MAX: variants seen among roughly 807,000 people sequenced by gnomAD.
MAX encodes the protein protein max.
MAX carries 3 observed loss-of-function variants against 22.3 expected under a neutral mutation model. That is an observed-to-expected ratio of 0.13 (90% CI 0.06 to 0.35). The LOEUF (loss-of-function observed/expected upper bound fraction) is 0.35, where lower values mean the gene tolerates loss of function less well. Ranked by LOEUF, MAX falls within the 10% of genes least tolerant of loss-of-function variation. The probability of loss-of-function intolerance (pLI) is 1.00; values close to 1 mark genes in which losing one functional copy is unlikely to be tolerated. For synonymous variants in MAX, 72 were observed against 77.7 expected, an observed-to-expected ratio of 0.93 and a Z score of 0.39; for missense variants, 119 against 209.4, an observed-to-expected ratio of 0.57 and a Z score of 2.66.
At chr14:65,059,524 G>A (rs1010071286) in intron 3 of MAX, among the ~76,000 whole-genome samples, 1 of 151,938 alleles carries the variant, frequency 6.6e-6, no homozygotes, top group African/African-American at 2.4e-5. Flanking sequence ...GTCAATTTTG[G>A]CAGTTTTCCT....
chr14:65,069,489 C>T lies in MAX; in HGVS notation c.171+24219G>A, dbSNP rs2062964807. 6.6e-6 allele frequency among the ~76,000 whole-genome samples: 1 copy of T among 152,224 alleles called. No homozygotes were observed. Among genetic ancestry groups the T allele is most frequent in the African/African-American group, 2.4e-5 (1 of 41,454 alleles). ...TCTCTAAGCTTCTTCAAGGCAAGGC[C>T]CAGCCTTTATAAGCTGCCTAGATTG... On this transcript the variant is annotated intron_variant, in intron 3 of 3. Coordinates refer to the MAX transcript ENST00000341653. The surrounding 1 kb of genome is among the most constrained non-coding windows in gnomAD (Gnocchi z 4.6).
At chr14:65,068,889 C>A (rs2139716972) in intron 3 of MAX, among the ~76,000 whole-genome samples, 1 of 152,176 alleles carries the variant, frequency 6.6e-6, no homozygotes, top group African/African-American at 2.4e-5. Flanking sequence ...CCTTCTGTAC[C>A]CATGATGGCC....
intron 3 of MAX, chr14:65,090,312 C>G (rs1010252356): frequency 6.6e-6 from 1 of 152,104 alleles, no homozygotes; most frequent in African/African-American, 2.4e-5. Flanking sequence ...AACTGGCAAT[C>G]CTGAGTTCTA....
intron 3 of MAX, chr14:65,040,880 C>T: frequency 1.2e-6 from 2 of 1,614,004 alleles, no homozygotes; most frequent in Non-Finnish European, 1.7e-6. Context: ...CGCTGGTAAT[C>T]CTCAAGAGGG....
At chr14:65,059,054 A>G (rs1337428293) in intron 3 of MAX, among the ~76,000 whole-genome samples, 1 of 151,874 alleles carries the variant, frequency 6.6e-6, no homozygotes, top group Non-Finnish European at 1.5e-5. Context: ...ACATGATCTC[A>G]CTCTGTCACT....
chr14:65,094,122 C>A (rs1049950703), intron 2 of MAX: 5 of 386,320 alleles, frequency 1.3e-5, no homozygotes, highest in Admixed American at 3.7e-5. Context: ...TGGTCCCCCC[C>A]AACTTGCTTA....
intron 2 of MAX, among the ~76,000 whole-genome samples, chr14:65,094,615 G>A (rs927443921): frequency 6.6e-6 from 1 of 152,214 alleles, no homozygotes; most frequent in Non-Finnish European, 1.5e-5. Context: ...AAATATCCAA[G>A]TCAAAGCCTT....
chr14:65,027,350 A>G lies in MAX; in HGVS notation c.172-21066T>C. ...GAGGAGAGGTTCCCCTCAACTTTTG[A>G]GGGAGTGGGGGATCATTGGAAAGGC... On this transcript the variant is annotated intron_variant, in intron 3 of 3. Coordinates refer to the MAX transcript ENST00000341653. This position sits in a 1 kb window ranked among gnomAD's most constrained non-coding sequence, Gnocchi z 5.7. 1.3e-6 allele frequency: 2 copies of G among 1,540,598 alleles called. No individual in the cohort carries two copies. The highest frequency in any genetic ancestry group is 3.8e-5 in the Admixed American group (2 of 52,428).
chr14:65,057,010 C>T (rs1027355790), intron 3 of MAX, among the ~76,000 whole-genome samples: 4 of 152,200 alleles, frequency 2.6e-5, no homozygotes, highest in Non-Finnish European at 5.9e-5. Context: ...GGCTTTATAA[C>T]AGCCTACCCT....
At chr14:65,036,684 C>T (rs181694216) in intron 3 of MAX, among the ~76,000 whole-genome samples, 2 of 150,604 alleles carry the variant, frequency 1.3e-5, no homozygotes, top group East Asian at 1.9e-4. Flanking sequence ...CCTTCTTTAG[C>T]GGCTTGGAAT....
intron 3 of MAX, among the ~76,000 whole-genome samples, chr14:65,067,365 A>C (rs938634161): frequency 2.0e-5 from 3 of 152,106 alleles, no homozygotes; most frequent in Non-Finnish European, 4.4e-5. Context: ...TACATTACTA[A>C]AGAAAGTCCA....
chr14:65,060,253 A>AT (rs1838308824), intron 3 of MAX, among the ~76,000 whole-genome samples: 1 of 152,090 alleles, frequency 6.6e-6, no homozygotes, highest in Non-Finnish European at 1.5e-5. Context: ...TATGGGTACA[A>AT]TTTTTGCTAT....
chr14:65,064,056 G>A (rs1405107231), intron 3 of MAX, among the ~76,000 whole-genome samples: 2 of 152,306 alleles, frequency 1.3e-5, no homozygotes, highest in South Asian at 4.1e-4. Context: ...CCTACAGGGA[G>A]CGGAGCATAA....
At chr14:65,087,236 G>C (rs531874291) in intron 3 of MAX, among the ~76,000 whole-genome samples, 1 of 152,326 alleles carries the variant, frequency 6.6e-6, no homozygotes, top group East Asian at 1.9e-4. Flanking sequence ...GTGCAGACAG[G>C]AAATGTGGGG....
rs1035307881 is a variant in MAX, at chr14:65,075,410, G to A, written c.*1066C>T. ...CACAATGGAGACAGGTTCCAGGACAGTAGGAAAGGAAGTGGGATGAGGGCT... is the reference window on the plus strand; with the variant it reads ...CACAATGGAGACAGGTTCCAGGACAATAGGAAAGGAAGTGGGATGAGGGCT... On this transcript the variant is annotated 3_prime_UTR_variant, in exon 5 of 5. Coordinates refer to ENST00000358664, the MANE Select transcript of MAX (RefSeq NM_002382.5). This position sits in a 1 kb window ranked among gnomAD's most constrained non-coding sequence, Gnocchi z 4.1. The A allele has an allele frequency of 6.6e-6, 7 of 1,063,466 alleles. No individual in the cohort carries two copies. Among genetic ancestry groups the A allele is most frequent in the Non-Finnish European group, 8.0e-6 (7 of 877,916 alleles). The allele number at this position is 1,063,466 out of a possible 1,614,324, so 65.9% of individuals were successfully genotyped here.
At chr14:65,053,253 G>A in intron 3 of MAX, 3 of 1,423,182 alleles carry the variant, frequency 2.1e-6, no homozygotes, top group Non-Finnish European at 1.9e-6. Context: ...CCTGCCCTTA[G>A]CATGAGCCAC....
intron 3 of MAX, among the ~76,000 whole-genome samples, chr14:65,035,284 G>T (rs11850984): frequency 1.3e-5 from 2 of 152,030 alleles, no homozygotes; most frequent in East Asian, 1.9e-4. Flanking sequence ...GGGGAAGGGA[G>T]GGACTAACTG....
At position 65,069,435 on chromosome 14, in the gene MAX, C is replaced by T. The variant is rs139959450; in HGVS notation, c.171+24273G>A. 1.1e-4 allele frequency among the ~76,000 whole-genome samples: 17 copies of T among 152,342 alleles called. No individual in the cohort carries two copies. The highest frequency in any genetic ancestry group is 1.8e-4 in the Non-Finnish European group (12 of 68,038). On this transcript the variant is annotated intron_variant, in intron 3 of 3. Transcript: ENST00000341653. This position sits in a 1 kb window ranked among gnomAD's most constrained non-coding sequence, Gnocchi z 4.6. ...ACTCCTCTGGCATTCAGAGCCCAGA[C>T]GTGCATTTGTGCTAAATGCCTAACC...
intron 3 of MAX, among the ~76,000 whole-genome samples, chr14:65,020,543 G>A (rs368393538): frequency 2.4e-4 from 36 of 148,748 alleles, no homozygotes; most frequent in African/African-American, 8.7e-4. Flanking sequence ...CTCCTGCCTC[G>A]GCCTCCCGAG....
Sources: allele counts gnomAD v4.1 joint callset (sites outside exome capture counted in the v4.1 genomes callset), GRCh38; gene constraint gnomAD v4.1.1; non-coding constraint Gnocchi (gnomAD v3.1); transcripts MANE v1.5; gene names NCBI Gene and HGNC (gene_info 2026-07-23, HGNC 2026-07-21).